The following FMN2 variants were observed in gnomAD, a reference collection of about 807,000 sequenced individuals.
FMN2 encodes formin 2.
FMN2 carries 51 observed loss-of-function variants against 142.3 expected under a neutral mutation model. The observed-to-expected ratio is 0.36, with a 90% CI of 0.29 to 0.45. The LOEUF (loss-of-function observed/expected upper bound fraction) is 0.45, where lower values mean the gene tolerates loss of function less well. Ranked by LOEUF, FMN2 falls within the 20% of genes least tolerant of loss-of-function variation. FMN2 has a pLI of 1.00. For missense variants in FMN2, 1,936 were observed against 2,122.8 expected (o/e 0.91, Z 1.73); for synonymous variants, 882 against 869.8 (o/e 1.01, Z -0.25).
intron 2 of FMN2, among the ~76,000 whole-genome samples, chr1:240,133,270 G>A (rs979656683): frequency 2.0e-5 from 3 of 152,032 alleles, no homozygotes; most frequent in Non-Finnish European, 4.4e-5. Flanking sequence ...GGGCTCAACC[G>A]TTCCTCTCAC....
At chr1:240,140,693 T>A (rs916755668) in intron 2 of FMN2, among the ~76,000 whole-genome samples, 6 of 152,202 alleles carry the variant, frequency 3.9e-5, no homozygotes, top group African/African-American at 1.4e-4. Context: ...TCTTCCATTT[T>A]GCAGAAGTTT....
intron 6 of FMN2, among the ~76,000 whole-genome samples, chr1:240,223,217 G>A (rs1667183575): frequency 6.6e-6 from 1 of 152,100 alleles, no homozygotes; most frequent in South Asian, 2.1e-4. Flanking sequence ...TTTATTGAAG[G>A]CCTTTTCTGC....
At chr1:240,403,450 A>G (rs961259757) in intron 15 of FMN2, among the ~76,000 whole-genome samples, 1 of 152,172 alleles carries the variant, frequency 6.6e-6, no homozygotes, top group African/African-American at 2.4e-5. Context: ...CCTGAACAAC[A>G]TGGCAAAACC....
At chr1:240,348,710 G>A (rs1671998608) in intron 13 of FMN2, among the ~76,000 whole-genome samples, 4 of 152,126 alleles carry the variant, frequency 2.6e-5, no homozygotes, top group Middle Eastern at 3.4e-3. Context: ...ACCAAGCTCT[G>A]CAAATTTTAC....
chr1:240,260,388 G>A (rs901633351), intron 7 of FMN2, among the ~76,000 whole-genome samples: 9 of 151,776 alleles, frequency 5.9e-5, no homozygotes, highest in South Asian at 4.2e-4. Context: ...AAATGTTCCC[G>A]TTTCACTGCA....
At chr1:240,302,452 T>A (rs767209036) in intron 8 of FMN2, among the ~76,000 whole-genome samples, 3 of 151,946 alleles carry the variant, frequency 2.0e-5, no homozygotes, top group Non-Finnish European at 4.4e-5. Context: ...AAAAGTAAAC[T>A]GGTATGTCCA....
chr1:240,373,704 T>A (rs1672947926), intron 14 of FMN2, among the ~76,000 whole-genome samples: 1 of 152,184 alleles, frequency 6.6e-6, no homozygotes, highest in South Asian at 2.1e-4. Flanking sequence ...TTTCCACCAT[T>A]TCTTCAGTTC....
At chr1:240,422,418 A>G (rs1392906156) in intron 15 of FMN2, among the ~76,000 whole-genome samples, 1 of 152,070 alleles carries the variant, frequency 6.6e-6, no homozygotes, top group Non-Finnish European at 1.5e-5. Context: ...CCAAAAATTG[A>G]TTTCTTTCAT....
chr1:240,447,666 G>T (rs1675873755), intron 16 of FMN2, among the ~76,000 whole-genome samples: 1 of 152,190 alleles, frequency 6.6e-6, no homozygotes, highest in African/African-American at 2.4e-5. Flanking sequence ...AATACGTGGG[G>T]CCTGAACGTA....
chr1:240,115,663 C>T (rs1661992703), intron 1 of FMN2, among the ~76,000 whole-genome samples: 2 of 152,128 alleles, frequency 1.3e-5, no homozygotes, highest in Admixed American at 1.3e-4. Flanking sequence ...CCTGCTATTA[C>T]AATACAGTCT....
chr1:240,361,453 G>A (rs1314389257), intron 14 of FMN2, among the ~76,000 whole-genome samples: 1 of 152,082 alleles, frequency 6.6e-6, no homozygotes, highest in African/African-American at 2.4e-5. Context: ...AAAGAAATGA[G>A]AAAGCCTTGG....
intron 6 of FMN2, among the ~76,000 whole-genome samples, chr1:240,240,435 G>T (rs1667854400): frequency 6.6e-6 from 1 of 152,094 alleles, no homozygotes; most frequent in Admixed American, 6.6e-5. Flanking sequence ...ATATGCACAT[G>T]GTCTCAATAA....
intron 14 of FMN2, among the ~76,000 whole-genome samples, chr1:240,371,158 C>A (rs1236933615): frequency 6.6e-6 from 1 of 151,804 alleles, no homozygotes; most frequent in East Asian, 1.9e-4. Context: ...CGAGGTTTCA[C>A]CATATTGGCC....
intron 4 of FMN2, among the ~76,000 whole-genome samples, chr1:240,206,421 C>T (rs1000734983): frequency 2.0e-5 from 3 of 152,180 alleles, no homozygotes; most frequent in East Asian, 1.9e-4. Context: ...CTTTAAAATT[C>T]GGGATTACCT....
intron 2 of FMN2, among the ~76,000 whole-genome samples, chr1:240,157,404 C>T (rs1664068690): frequency 6.6e-6 from 1 of 152,186 alleles, no homozygotes; most frequent in Admixed American, 6.5e-5. Context: ...ATATCAGTCA[C>T]TGAGAGAAAT....
intron 1 of FMN2, among the ~76,000 whole-genome samples, chr1:240,108,091 T>A (rs1545727): frequency 0.5 from 76,623 of 151,988 alleles, 20,483 homozygotes; most frequent in Non-Finnish European, 0.61. Context: ...TCAGTGAATT[T>A]TGATTCCTCC....
At chr1:240,135,621 A>G (rs751719403) in intron 2 of FMN2, among the ~76,000 whole-genome samples, 6 of 151,406 alleles carry the variant, frequency 4.0e-5, no homozygotes, top group African/African-American at 7.3e-5. Context: ...CTTTCAATAT[A>G]TATTTTAAAA....
intron 15 of FMN2, among the ~76,000 whole-genome samples, chr1:240,426,158 T>A (rs1674930416): frequency 6.6e-6 from 1 of 152,220 alleles, no homozygotes; most frequent in Non-Finnish European, 1.5e-5. Flanking sequence ...TTTAGGATAA[T>A]TACTAGCACC....
chr1:240,423,466 A>T (rs961485205), intron 15 of FMN2, among the ~76,000 whole-genome samples: 10 of 152,224 alleles, frequency 6.6e-5, no homozygotes, highest in Non-Finnish European at 1.3e-4. Context: ...TTAAACTGGT[A>T]TGCTCTCTTG....
Sources: gnomAD v4.1 joint callset for allele counts (sites outside exome capture counted in the v4.1 genomes callset) on GRCh38, gnomAD v4.1.1 for gene constraint, MANE v1.5 for transcripts, NCBI Gene and HGNC (gene_info 2026-07-23, HGNC 2026-07-21) for gene names.